Variants in NEURL1 observed in about 807,000 individuals in gnomAD.
The protein encoded by NEURL1 is neuralized E3 ubiquitin protein ligase 1, also known as E3 ubiquitin-protein ligase NEURL1.
A neutral mutation model predicts 41.2 loss-of-function variants in NEURL1; 26 were observed. The observed-to-expected ratio is 0.63, with a 90% confidence interval of 0.46 to 0.87. The LOEUF (loss-of-function observed/expected upper bound fraction) is 0.87, where lower values mean the gene tolerates loss of function less well. Ranked by LOEUF, NEURL1 falls within the 40% of genes least tolerant of loss-of-function variation. The probability of loss-of-function intolerance (pLI) is 0.00; values close to 1 mark genes in which losing one functional copy is unlikely to be tolerated. For missense variants in NEURL1, 761 were observed against 871.1 expected, an observed-to-expected ratio of 0.87 and a Z score of 1.59; for synonymous variants, 400 against 402.3, an observed-to-expected ratio of 0.99 and a Z score of 0.07.
chr10:103,516,040 C>A (rs1011032306), intron 1 of NEURL1, among the ~76,000 whole-genome samples: 2 of 151,918 alleles, frequency 1.3e-5, no homozygotes, highest in African/African-American at 4.8e-5. Context: ...CCAGCCTGAG[C>A]AACATTGCAA....
intron 1 of NEURL1, chr10:103,515,227 C>CAAAAAAAAAAAAAAAAAAAAAAAAAAA (rs57898870): frequency 1.0e-5 from 1 of 98,958 alleles, no homozygotes. Context: ...GACTCTGTCT[C>CAAAAAAAAAAAAAAAAAAAAAAAAAAA]AAAAAAAAAA....
chr10:103,551,132 T>G (rs1370175106), intron 1 of NEURL1, among the ~76,000 whole-genome samples: 1 of 152,066 alleles, frequency 6.6e-6, no homozygotes, highest in Non-Finnish European at 1.5e-5. Flanking sequence ...ACCCCGTCCA[T>G]GCCCGTTTTA....
rs1332185652 is a variant in NEURL1 at position 103,585,043 on chromosome 10, T to C, written c.1157T>C (p.Val386Ala). The C allele has an allele frequency of 1.3e-6, 2 of 1,588,772 alleles. No individual in the cohort carries two copies. The highest frequency in any genetic ancestry group is 3.4e-5 in the Admixed American group (2 of 59,036). ...ALVDRKEFWAVCRVPGPLHSG... is the reference protein window; with the variant it reads ...ALVDRKEFWAACRVPGPLHSG... ...GTGGACCGCAAGGAATTCTGGGCCG[T>C]GTGCCGCGTGCCCGGGCCCCTGCAC... Residue 386 changes from valine (V) to alanine (A), a missense_variant, in exon 4 of 6, where the codon GTG becomes GCG. Physicochemically the swap from Val to Ala is moderately conservative, Grantham distance 64 (BLOSUM62 0). Coordinates refer to ENST00000369780, the MANE Select transcript of NEURL1 (RefSeq NM_004210.5).
chr10:103,589,974 C>A (rs1441254310), intron 5 of NEURL1, among the ~76,000 whole-genome samples, 160 bp from the exon 6 acceptor site: 2 of 152,224 alleles, frequency 1.3e-5, no homozygotes, highest in African/African-American at 4.8e-5. Flanking sequence ...CTGCTCAGAG[C>A]TCAGCCTCTT....
intron 3 of NEURL1, among the ~76,000 whole-genome samples, chr10:103,573,004 T>C (rs1326506576): frequency 1.3e-5 from 2 of 151,904 alleles, no homozygotes; most frequent in South Asian, 2.1e-4. Context: ...TTTTTTTTTT[T>C]CCCTTTCTGA....
chr10:103,582,817 C>T (rs935987070), intron 3 of NEURL1, among the ~76,000 whole-genome samples: 3 of 152,158 alleles, frequency 2.0e-5, no homozygotes, highest in Admixed American at 6.6e-5. Context: ...GTCCATGGTG[C>T]GGCTTACAGT....
At chr10:103,496,012 A>G (rs147071709) in intron 1 of NEURL1, among the ~76,000 whole-genome samples, 3 of 152,174 alleles carry the variant, frequency 2.0e-5, no homozygotes, top group African/African-American at 4.8e-5. Flanking sequence ...GGAGGCAGAT[A>G]GGCAGGAGAA....
chr10:103,570,908 G>A lies in NEURL1; in HGVS notation c.122G>A (p.Arg41Gln), dbSNP rs776208214. 6.2e-7 allele frequency: 1 copy of A among 1,613,626 alleles called. No individual in the cohort carries two copies. The highest frequency in any genetic ancestry group is 1.7e-5 in the Admixed American group (1 of 60,000). Reference protein sequence around the residue: ...IGGPFPVTSHRCHHKQKHCPA... With the variant: ...IGGPFPVTSHQCHHKQKHCPA... ...GGCCCCTTCCCCGTCACTTCTCACC[G>A]ATGCCACCACAAGCAGAAGCACTGT... Residue 41 changes from arginine (R) to glutamine (Q), a missense_variant, in exon 2 of 6, where the codon CGA (arginine) becomes CAA (glutamine). Around this residue, in one of 5 missense-constraint regions of NEURL1, gnomAD observed 94 missense variants for 96.6 expected, o/e 0.97. Transcript: ENST00000369780.
Position 103,494,174 on chromosome 10 carries a change from T to TTC in NEURL1, c.-214_-213insTC, listed in dbSNP as rs1554887237. The TTC allele has an allele frequency of 6.2e-6, 3 of 480,792 alleles. No homozygotes were observed. Among genetic ancestry groups the TTC allele is most frequent in the Non-Finnish European group, 1.1e-5 (3 of 273,670 alleles). 29.8% of individuals were successfully genotyped at this position (480,792 alleles called of 1,614,324 possible). On this transcript the variant is annotated 5_prime_UTR_variant, in exon 1 of 6. Transcript: ENST00000369780. ...GGCATGGGAGGCAGGTAGCCCAGCCTGCGCCAGGACACCCGTGGCGGGCGG... is the reference window on the plus strand; with the variant it reads ...GGCATGGGAGGCAGGTAGCCCAGCCTTCGCGCCAGGACACCCGTGGCGGGCGG...
chr10:103,505,622 C>G (rs903051427), intron 1 of NEURL1, among the ~76,000 whole-genome samples: 20 of 152,208 alleles, frequency 1.3e-4, no homozygotes, highest in Non-Finnish European at 2.6e-4. Context: ...ACCTTAGCCT[C>G]CTAACGTGTT....
At chr10:103,588,677 C>T (rs1285660677) in intron 4 of NEURL1, 3 of 415,858 alleles carry the variant, frequency 7.2e-6, no homozygotes, top group Non-Finnish European at 9.7e-6. Flanking sequence ...CCGGGCGCAG[C>T]GGCTCACCCC....
chr10:103,510,177 C>T (rs541616359), intron 1 of NEURL1, among the ~76,000 whole-genome samples: 1 of 152,236 alleles, frequency 6.6e-6, no homozygotes, highest in Admixed American at 6.5e-5. Flanking sequence ...TGGTGTAAGA[C>T]TGTTTGTGGG....
At chr10:103,536,824 G>C (rs2034703535) in intron 1 of NEURL1, among the ~76,000 whole-genome samples, 1 of 152,056 alleles carries the variant, frequency 6.6e-6, no homozygotes, top group East Asian at 1.9e-4. Flanking sequence ...CAGTTCAGTG[G>C]TATTAAGTAC....
At chr10:103,541,346 T>C (rs1676038152) in intron 1 of NEURL1, among the ~76,000 whole-genome samples, 1 of 152,090 alleles carries the variant, frequency 6.6e-6, no homozygotes, top group Non-Finnish European at 1.5e-5. Flanking sequence ...GGGGGAGCCA[T>C]CAGACCTCAG....
chr10:103,588,684 C>CCCCAGCAAT (rs2035973163), intron 4 of NEURL1: 1 of 425,270 alleles, frequency 2.4e-6, no homozygotes, highest in East Asian at 7.5e-5. Flanking sequence ...CAGCGGCTCA[C>CCCCAGCAAT]CCCAGCAATC....
chr10:103,505,789 T>A (rs1436848185), intron 1 of NEURL1, among the ~76,000 whole-genome samples: 1 of 152,248 alleles, frequency 6.6e-6, no homozygotes, highest in African/African-American at 2.4e-5. Flanking sequence ...TCAGAGCTGC[T>A]GCCGGGTACA....
intron 1 of NEURL1, among the ~76,000 whole-genome samples, chr10:103,542,807 G>A (rs980398316): frequency 1.3e-5 from 2 of 152,192 alleles, no homozygotes; most frequent in African/African-American, 4.8e-5. Context: ...GTTCGTGAGT[G>A]CTCGTAGGCT....
chr10:103,565,413 T>C (rs10748844), intron 1 of NEURL1, among the ~76,000 whole-genome samples: 87,254 of 151,932 alleles, frequency 0.57, 25,877 homozygotes, highest in African/African-American at 0.71. Context: ...TTTGCAGCTA[T>C]GAAGTGCTCT....
intron 1 of NEURL1, among the ~76,000 whole-genome samples, chr10:103,554,846 C>T (rs1036950608): frequency 1.3e-5 from 2 of 152,182 alleles, no homozygotes; most frequent in African/African-American, 4.8e-5. Context: ...CAGGGGGTCC[C>T]CTCTCACCTA....
Sources: allele counts gnomAD v4.1 joint callset (sites outside exome capture counted in the v4.1 genomes callset), GRCh38; gene constraint gnomAD v4.1.1; regional missense constraint gnomAD v4.1.1; transcripts MANE v1.5; gene names NCBI Gene and HGNC (gene_info 2026-07-23, HGNC 2026-07-21).